Variants in ASAP1 observed in about 807,000 individuals in gnomAD.
ASAP1 encodes arf-GAP with SH3 domain, ANK repeat and PH domain-containing protein 1.
In ASAP1, 43 loss-of-function variants were observed where a neutral mutation model predicts 145.2. The ratio of observed to expected loss-of-function variants is 0.30; its 90% confidence interval spans 0.23 to 0.38. The LOEUF (loss-of-function observed/expected upper bound fraction) is 0.38, where lower values mean the gene tolerates loss of function less well. Among genes scored for constraint, ASAP1 ranks in the 10% least tolerant of loss-of-function variants. The pLI is 1.00. For synonymous variants in ASAP1, 546 were observed against 515.5 expected (o/e 1.06, Z -0.80); for missense variants, 1,018 against 1,355.3 (o/e 0.75, Z 3.91).
chr8:130,393,797 C>T (rs985553460), intron 2 of ASAP1, among the ~76,000 whole-genome samples: 2 of 152,046 alleles, frequency 1.3e-5, no homozygotes, highest in African/African-American at 2.4e-5. Flanking sequence ...CAGCTGAAGC[C>T]GTGGCAGAAG....
At chr8:130,428,038 T>C (rs1030971420) in intron 1 of ASAP1, among the ~76,000 whole-genome samples, 1 of 152,120 alleles carries the variant, frequency 6.6e-6, no homozygotes, top group African/African-American at 2.4e-5. Context: ...TCCAAGTCTC[T>C]ACACTTGGCC....
At chr8:130,345,430 T>G (rs538751662) in intron 3 of ASAP1, among the ~76,000 whole-genome samples, 1 of 152,250 alleles carries the variant, frequency 6.6e-6, no homozygotes, top group Non-Finnish European at 1.5e-5. Context: ...CCTTTTCCAC[T>G]GGCAGATGCA....
At chr8:130,076,530 CTTTT>C in intron 26 of ASAP1, 124 bp from the exon 27 acceptor site, 1 of 755,942 alleles carries the variant, frequency 1.3e-6, no homozygotes, top group Non-Finnish European at 2.1e-6. Context: ...TCAAAATTTC[CTTTT>C]TTTTTGAGAT....
chr8:130,303,684 C>T (rs1162370310), intron 3 of ASAP1, among the ~76,000 whole-genome samples: 3 of 152,100 alleles, frequency 2.0e-5, no homozygotes, highest in African/African-American at 7.2e-5. Context: ...ACATACTTTA[C>T]TTTATGACTC....
At chr8:130,301,382 C>G (rs943074372) in intron 3 of ASAP1, among the ~76,000 whole-genome samples, 1 of 152,196 alleles carries the variant, frequency 6.6e-6, no homozygotes. Flanking sequence ...CACTGCTGCT[C>G]CTTCTGTTAC....
intron 3 of ASAP1, among the ~76,000 whole-genome samples, chr8:130,261,485 T>C (rs1819894095): frequency 6.6e-6 from 1 of 151,960 alleles, no homozygotes. Context: ...GGTGGGAGGC[T>C]CGGAAAATAC....
At chr8:130,233,791 C>T (rs1818048934) in intron 4 of ASAP1, among the ~76,000 whole-genome samples, 1 of 152,134 alleles carries the variant, frequency 6.6e-6, no homozygotes, top group Admixed American at 6.5e-5. Context: ...GTGCCAAACA[C>T]CTAACACCCA....
chr8:130,167,662 C>T, intron 10 of ASAP1, 40 bp from the exon 11 acceptor site: 1 of 1,400,454 alleles, frequency 7.1e-7, no homozygotes, highest in Non-Finnish European at 1.0e-6. Flanking sequence ...ACCATTTACA[C>T]TTTCACAGGC....
chr8:130,423,589 A>G (rs1446121670), intron 1 of ASAP1, among the ~76,000 whole-genome samples: 1 of 152,250 alleles, frequency 6.6e-6, no homozygotes, highest in Admixed American at 6.5e-5. Context: ...CATGGCCAGC[A>G]AAAATGATCA....
At chr8:130,143,045 C>T (rs1428742786) in intron 13 of ASAP1, among the ~76,000 whole-genome samples, 1 of 152,134 alleles carries the variant, frequency 6.6e-6, no homozygotes, top group African/African-American at 2.4e-5. Flanking sequence ...ATGCATCATT[C>T]CACAAGTAAT....
intron 9 of ASAP1, among the ~76,000 whole-genome samples, chr8:130,176,785 G>C (rs1473337016): frequency 5.3e-5 from 8 of 151,730 alleles, no homozygotes; most frequent in Non-Finnish European, 7.4e-5. Context: ...CTGCCTCCTG[G>C]ATTCAAGCGA....
At chr8:130,242,372 A>C (rs925045280) in intron 3 of ASAP1, among the ~76,000 whole-genome samples, 2 of 151,702 alleles carry the variant, frequency 1.3e-5, no homozygotes, top group African/African-American at 4.8e-5. Context: ...CATTTAAAAA[A>C]TGCTTTTTAA....
chr8:130,415,575 G>A (rs1201728739), intron 1 of ASAP1, among the ~76,000 whole-genome samples: 1 of 152,182 alleles, frequency 6.6e-6, no homozygotes, highest in Non-Finnish European at 1.5e-5. Flanking sequence ...ATCACCTGAG[G>A]TCAGGAGTTC....
At position 130,237,631 on chromosome 8, in the gene ASAP1, C is replaced by G. The variant is rs138023747; in HGVS notation, c.187-637G>C. On this transcript the variant is annotated intron_variant, in intron 3 of 29. Coordinates refer to ENST00000518721, the MANE Select transcript of ASAP1 (RefSeq NM_018482.4). ...TGATTTCTTGGATGATGAATCAACA[C>G]ATTAATCTACCTGTGGTATAAGCAG... Among the ~76,000 whole-genome samples the G allele has an allele frequency of 6.0e-4, 92 of 152,188 alleles. No individual in the cohort carries two copies. The East Asian group carries it at 0.015, about 26-fold the overall frequency.
chr8:130,069,863 G>T (rs1276026126), intron 27 of ASAP1, among the ~76,000 whole-genome samples: 1 of 152,200 alleles, frequency 6.6e-6, no homozygotes, highest in East Asian at 1.9e-4. Flanking sequence ...ATTGACAAAA[G>T]GTCCAGGGTC....
intron 2 of ASAP1, among the ~76,000 whole-genome samples, chr8:130,392,598 G>A (rs1184344870): frequency 2.0e-5 from 3 of 152,324 alleles, no homozygotes; most frequent in East Asian, 3.9e-4. Flanking sequence ...AGGAAGCTGA[G>A]TGTCTCAGTC....
chr8:130,383,866 T>C (rs1404606937), intron 2 of ASAP1, among the ~76,000 whole-genome samples: 1 of 152,056 alleles, frequency 6.6e-6, no homozygotes, highest in Non-Finnish European at 1.5e-5. Context: ...CACCAGCCCA[T>C]TTCTCCCACA....
In ASAP1 at chr8:130,244,885, T is replaced by C. The variant is rs533116195; in HGVS notation, c.187-7891A>G. On this transcript the variant is annotated intron_variant, in intron 3 of 29. Coordinates refer to ENST00000518721, the MANE Select transcript of ASAP1 (RefSeq NM_018482.4). ...CCTCTTGGAACAAGCCAGGAAGGAATGGGAGTAAGGGTGCAGACAGGAAAG... is the reference window on the plus strand; with the variant it reads ...CCTCTTGGAACAAGCCAGGAAGGAACGGGAGTAAGGGTGCAGACAGGAAAG... 1.1e-4 allele frequency among the ~76,000 whole-genome samples: 16 copies of C among 152,106 alleles called. No individual in the cohort carries two copies. The East Asian group carries it at 2.9e-3, about 28-fold the overall frequency.
At chr8:130,080,475 TCTC>T (rs1368947357) in intron 25 of ASAP1, among the ~76,000 whole-genome samples, 4 of 90,380 alleles carry the variant, frequency 4.4e-5, no homozygotes, top group South Asian at 8.1e-4. Flanking sequence ...ATTCATTCTC[TCTC>T]TTTTTTTTTT....
Sources: gnomAD v4.1 joint callset for allele counts (sites outside exome capture counted in the v4.1 genomes callset) on GRCh38, gnomAD v4.1.1 for gene constraint, MANE v1.5 for transcripts, NCBI Gene and HGNC (gene_info 2026-07-23, HGNC 2026-07-21) for gene names.